The following ACAA1 variants were observed in gnomAD, a reference collection of about 807,000 sequenced individuals.
The protein encoded by ACAA1 is acetyl-CoA acyltransferase 1.
Under a neutral mutation model 48.8 loss-of-function variants are expected in ACAA1, and 44 were observed. The observed-to-expected ratio is 0.90, with a 90% CI of 0.71 to 1.16. The LOEUF is 1.16. ACAA1 is among the 50% of genes most tolerant of loss of function. ACAA1 has a pLI of 0.00. For missense variants in ACAA1, 512 were observed against 562.3 expected (o/e 0.91, Z 0.90); for synonymous variants, 233 against 226.5 (o/e 1.03, Z -0.26).
rs1360583978 is a variant in ACAA1, at chr3:38,137,071, G to C, written c.-36C>G. The C allele has an allele frequency of 2.0e-6, 3 of 1,496,040 alleles. No homozygotes were observed. The highest frequency in any genetic ancestry group is 2.4e-5 in the Admixed American group (1 of 40,904). The allele number at this position is 1,496,040 out of a possible 1,614,324, so 92.7% of individuals were successfully genotyped here. A position where few individuals can be genotyped will look rare whatever the true frequency, so the allele number is the denominator to read the frequency against. On this transcript the variant is annotated 5_prime_UTR_variant, in exon 1 of 12. Coordinates refer to ENST00000333167, the MANE Select transcript of ACAA1 (RefSeq NM_001607.4). ...AACCCTGCAGACCAGCCACCAGTCC[G>C]GGAACTGACCGCGGAGTTAACAGAC... is the stretch of plus-strand genomic sequence containing the variant.
chr3:38,135,517 G>A (rs1700872590), intron 2 of ACAA1, among the ~76,000 whole-genome samples: 1 of 152,080 alleles, frequency 6.6e-6, no homozygotes, highest in Non-Finnish European at 1.5e-5. Context: ...GTGAGCAAAG[G>A]ACTCAGTGTC....
At position 38,137,104 on chromosome 3, in the gene ACAA1, C is replaced by G. The variant is rs901142953; in HGVS notation, c.-69G>C. On this transcript the variant is annotated 5_prime_UTR_variant, in exon 1 of 12. Coordinates refer to ENST00000333167, the MANE Select transcript of ACAA1 (RefSeq NM_001607.4). ...ACCGCGGAGTTAACAGACAGCCGTCCGCACACGCGCAGAACCACATCTCAG... is the reference window on the plus strand; with the variant it reads ...ACCGCGGAGTTAACAGACAGCCGTCGGCACACGCGCAGAACCACATCTCAG... 7.8e-7 allele frequency: 1 copy of G among 1,278,200 alleles called. No individual in the cohort carries two copies. The highest frequency in any genetic ancestry group is 2.9e-5 in the Admixed American group (1 of 34,938). 79.2% of individuals were successfully genotyped at this position (1,278,200 alleles called of 1,614,324 possible).
At chr3:38,128,393 G>A (rs540014305) in intron 6 of ACAA1, among the ~76,000 whole-genome samples, 28 of 152,184 alleles carry the variant, frequency 1.8e-4, no homozygotes, top group Non-Finnish European at 4.0e-4. Context: ...TAGAGCCACA[G>A]CTAGGCCTTC....
chr3:38,134,510 G>A (rs757548247), intron 2 of ACAA1: 291 of 457,000 alleles, frequency 6.4e-4, no homozygotes, highest in Admixed American at 1.5e-3. Context: ...GATTGTTACC[G>A]TGTGTATGTA....
rs780094670 is a variant in ACAA1, at chr3:38,125,597, C to T, written c.1167G>A (p.Thr389=). The part of the protein sequence containing the change: ...LGCTGARQVI[T]LLNELKRRGK... ...CACGGCGCTTCAGCTCATTGAGCAGCGTGATGACCTGTCGTGCCCCAGTGC... is the reference window on the plus strand; with the variant it reads ...CACGGCGCTTCAGCTCATTGAGCAGTGTGATGACCTGTCGTGCCCCAGTGC... The change falls in exon 11 of 12, where the codon ACG becomes ACA. Residue 389 remains threonine (T), a synonymous_variant. Coordinates refer to ENST00000333167, the MANE Select transcript of ACAA1 (RefSeq NM_001607.4). The T allele has an allele frequency of 8.8e-6, 14 of 1,586,622 alleles. No individual in the cohort carries two copies. The South Asian group carries it at 9.2e-5, about 10-fold the overall frequency.
intron 11 of ACAA1, chr3:38,124,672 A>T (rs1700637865): frequency 6.6e-6 from 1 of 151,396 alleles, no homozygotes; most frequent in South Asian, 2.1e-4. Context: ...GATCTTGAGA[A>T]ATTTTATCTT....
intron 2 of ACAA1, 116 bp from the exon 3 acceptor site, chr3:38,134,125 G>A (rs1700841594): frequency 1.9e-6 from 2 of 1,031,260 alleles, no homozygotes; most frequent in Non-Finnish European, 2.8e-6. Context: ...CTAGCCCTTG[G>A]CAGGCTCACT....
chr3:38,125,339 A>T (rs1331220147), intron 11 of ACAA1: 1 of 412,718 alleles, frequency 2.4e-6, no homozygotes, highest in Non-Finnish European at 4.2e-6. Context: ...AGAGTAGAAC[A>T]TGGAGTTTGA....
At position 38,126,493 on chromosome 3, in the gene ACAA1, C is replaced by T. The variant is rs769118846; in HGVS notation, c.817+17G>A. The T allele has an allele frequency of 3.7e-6, 6 of 1,614,210 alleles. No individual in the cohort carries two copies. In the South Asian group the frequency reaches 6.6e-5, roughly 18 times the overall value. The stretch of plus-strand genomic sequence containing the variant: ...CATGGCCTGCTTTCTCATACCCCTA[C>T]CCCGGACCAGTCTCACCAGCTGTGG... On this transcript the variant is annotated intron_variant, in intron 8 of 11. Coordinates refer to ENST00000333167, the MANE Select transcript of ACAA1 (RefSeq NM_001607.4). This position sits in a 1 kb window ranked among gnomAD's most constrained non-coding sequence, Gnocchi z 4.7.
At chr3:38,130,773 T>A (rs569272939) in intron 5 of ACAA1, among the ~76,000 whole-genome samples, 13 of 152,346 alleles carry the variant, frequency 8.5e-5, no homozygotes, top group Middle Eastern at 3.4e-3. Flanking sequence ...TGGCTTTATT[T>A]ACAACTGTAG....
intron 2 of ACAA1, among the ~76,000 whole-genome samples, chr3:38,134,970 G>C (rs1367781810): frequency 2.0e-5 from 3 of 152,164 alleles, no homozygotes; most frequent in African/African-American, 7.2e-5. Context: ...GGAACGGAAT[G>C]TCTCGGTGTA....
chr3:38,127,109 C>T (rs1355302050), intron 7 of ACAA1, among the ~76,000 whole-genome samples: 2 of 152,190 alleles, frequency 1.3e-5, no homozygotes, highest in Non-Finnish European at 2.9e-5. Context: ...TTTAAAGTGA[C>T]ATATACTAAA....
chr3:38,126,103 T>C lies in ACAA1; in HGVS notation c.997+59A>G, dbSNP rs1700676119. ...CACCCTCATGCCCCTGGCAACAGCA[T>C]GCAGGGCAGCTGCAGGATCCAGGTG... On this transcript the variant is annotated intron_variant, in intron 9 of 11. Coordinates refer to ENST00000333167, the MANE Select transcript of ACAA1 (RefSeq NM_001607.4). The surrounding 1 kb of genome is among the most constrained non-coding windows in gnomAD (Gnocchi z 4.7). 1.3e-6 allele frequency: 2 copies of C among 1,576,386 alleles called. No individual in the cohort carries two copies. Among genetic ancestry groups the C allele is most frequent in the Non-Finnish European group, 8.6e-7 (1 of 1,157,026 alleles).
Position 38,129,658 on chromosome 3 carries a change from A to C in ACAA1, c.447-270T>G, listed in dbSNP as rs1162731907. On this transcript the variant is annotated intron_variant, in intron 5 of 11. Coordinates refer to ENST00000333167, the MANE Select transcript of ACAA1 (RefSeq NM_001607.4). The surrounding 1 kb of genome is among the most constrained non-coding windows in gnomAD (Gnocchi z 5.3). ...GGGCTATGCTTCCCTATACACTGCT[A>C]AATCAGCCAACTGGCAATTCCAGAG... Among the ~76,000 whole-genome samples, 1 of 152,230 alleles carries C rather than the reference A, an allele frequency of 6.6e-6. No individual in the cohort carries two copies. The highest frequency in any genetic ancestry group is 1.5e-5 in the Non-Finnish European group (1 of 68,028).
intron 3 of ACAA1, 34 bp downstream of exon 3, chr3:38,133,918 T>C (rs1700837726): frequency 1.2e-6 from 2 of 1,612,976 alleles, no homozygotes; most frequent in Middle Eastern, 1.7e-4. Flanking sequence ...AGTGTCAAAA[T>C]GGCCAACCCA....
chr3:38,129,296 G>A lies in ACAA1; in HGVS notation c.539C>T (p.Pro180Leu). 1 of 1,613,802 alleles carries A rather than the reference G, an allele frequency of 6.2e-7. No individual in the cohort carries two copies. Among genetic ancestry groups the A allele is most frequent in the Non-Finnish European group, 8.5e-7 (1 of 1,179,732 alleles). Reference sequence around the variant, plus strand: ...GAGCTATGGGAGCACTCACCCCATAGGAATCAGGCAATCTCTGGCCTTCTC... The same window carrying A: ...GAGCTATGGGAGCACTCACCCCATAAGAATCAGGCAATCTCTGGCCTTCTC... ...EKEKARDCLI[P>L]MGITSENVAE... The change falls in exon 6 of 12, where the codon CCT becomes CTT. Residue 180 changes from proline (P) to leucine (L), a missense_variant. Physicochemically the swap from Pro to Leu is moderately conservative, Grantham distance 98. Coordinates refer to ENST00000333167, the MANE Select transcript of ACAA1 (RefSeq NM_001607.4). This position sits in a 1 kb window ranked among gnomAD's most constrained non-coding sequence, Gnocchi z 5.3.
chr3:38,136,796 A>G, intron 1 of ACAA1, 69 bp downstream of exon 1: 1 of 1,485,610 alleles, frequency 6.7e-7, no homozygotes. Context: ...GGATAACCAA[A>G]CATACGAACC....
chr3:38,137,069 C>A lies in ACAA1; in HGVS notation c.-34G>T. 4.7e-6 allele frequency: 7 copies of A among 1,501,674 alleles called. No individual in the cohort carries two copies. Among genetic ancestry groups the A allele is most frequent in the Non-Finnish European group, 5.3e-6 (6 of 1,126,300 alleles). 93.0% of individuals were successfully genotyped at this position (1,501,674 alleles called of 1,614,324 possible). A position where few individuals can be genotyped will look rare whatever the true frequency, so the allele number is the denominator to read the frequency against. ...TCAACCCTGCAGACCAGCCACCAGT[C>A]CGGGAACTGACCGCGGAGTTAACAG... On this transcript the variant is annotated 5_prime_UTR_variant, in exon 1 of 12. Transcript: ENST00000333167.
At position 38,136,947 on chromosome 3, in the gene ACAA1, G is replaced by A. The variant is rs1156894595; in HGVS notation, c.89C>T (p.Ala30Val). The A allele has an allele frequency of 6.5e-7, 1 of 1,545,714 alleles. No individual in the cohort carries two copies. Among genetic ancestry groups the A allele is most frequent in the Admixed American group, 1.9e-5 (1 of 51,324 alleles). The change falls in exon 1 of 12, where the codon GCC (alanine) becomes GTC (valine). Residue 30 changes from alanine to valine, a missense_variant. Physicochemically the swap from Ala to Val is moderately conservative, Grantham distance 64. Transcript: ENST00000333167. ...MPQAAPCLSG[A>V]PQASAADVVV... ...CACGTCCGCGGCCGAGGCCTGCGGG[G>A]CACCGCTCAGGCAAGGCGCGGCCTG...
Sources: allele counts gnomAD v4.1 joint callset (sites outside exome capture counted in the v4.1 genomes callset), GRCh38; gene constraint gnomAD v4.1.1; non-coding constraint Gnocchi (gnomAD v3.1); transcripts MANE v1.5; gene names NCBI Gene and HGNC (gene_info 2026-07-23, HGNC 2026-07-21).